The following ACE variants were observed in gnomAD, a reference collection of about 807,000 sequenced individuals.
ACE encodes the protein angiotensin I converting enzyme, also known as angiotensin-converting enzyme.
ACE carries 122 observed loss-of-function variants against 162.3 expected under a neutral mutation model. The ratio of observed to expected loss-of-function variants is 0.75; its 90% CI spans 0.65 to 0.87. The LOEUF is 0.87. Among genes scored for constraint, ACE ranks in the 40% least tolerant of loss-of-function variants. The pLI, the probability that ACE is intolerant of heterozygous loss-of-function variation, is 0.00. For missense variants in ACE, 1,799 were observed against 1,735.1 expected, an observed-to-expected ratio of 1.04 and a Z score of -0.65; for synonymous variants, 796 against 720.6, an observed-to-expected ratio of 1.10 and a Z score of -1.68.
In ACE at chr17:63,496,901, C is replaced by T; in HGVS notation, c.3607C>T (p.Pro1203Ser). The T allele has an allele frequency of 6.2e-7, 1 of 1,613,768 alleles. No individual in the cohort carries two copies. Among genetic ancestry groups the T allele is most frequent in the Non-Finnish European group, 8.5e-7 (1 of 1,180,000 alleles). Residue 1203 changes from proline to serine, a missense_variant, in exon 24 of 25, where the codon CCG (proline) becomes TCG (serine). Transcript: ENST00000290866. The stretch of plus-strand genomic sequence containing the variant: ...CTCGGCCATGTTGAGCTACTTCAAG[C>T]CGCTGCTGGACTGGCTCCGCACGGA... Reference protein sequence around the residue: ...SASAMLSYFKPLLDWLRTENE... With the variant: ...SASAMLSYFKSLLDWLRTENE...
chr17:63,496,035 A>G (rs2030707992), intron 22 of ACE: 1 of 355,016 alleles, frequency 2.8e-6, no homozygotes, highest in Middle Eastern at 9.6e-4. Flanking sequence ...CCATTTGGCC[A>G]CACCTTGCCT....
rs2029996374 is a variant in ACE at position 63,487,023 on chromosome 17, G to T, written c.2255G>T (p.Ser752Ile). Residue 752 changes from serine to isoleucine, a missense_variant, in exon 15 of 25, where the codon AGC becomes ATC. By Grantham distance (142) the Ser-to-Ile change is moderately radical. Transcript: ENST00000290866. ...KILLDMETTY[S>I]VATVCHPNGS... Reference sequence around the variant, plus strand: ...CTGTTGGATATGGAAACCACCTACAGCGTGGCCACTGTGTGCCACCCGAAT... The same window carrying T: ...CTGTTGGATATGGAAACCACCTACATCGTGGCCACTGTGTGCCACCCGAAT... 6.2e-7 allele frequency: 1 copy of T among 1,613,906 alleles called. No individual in the cohort carries two copies. The highest frequency in any genetic ancestry group is 2.2e-5 in the East Asian group (1 of 44,870).
In ACE at chr17:63,479,911, C is replaced by T. The variant is rs151017978; in HGVS notation, c.654C>T (p.Asp218=). Residue 218 remains aspartate, a splice_region_variant and synonymous_variant, in exon 4 of 25, where the codon GAC becomes GAT. Transcript: ENST00000290866. ...TALSNEAYKQ[D]GFTDTGAYWR... is the part of the protein sequence containing the mutation. ...TCAGCAATGAAGCCTACAAGCAGGA[C>T]GGTGAGCAGGCCTCTCCCTGTCCAG... The T allele has an allele frequency of 2.6e-5, 42 of 1,608,370 alleles. No homozygotes were observed. Among genetic ancestry groups the T allele is most frequent in the Admixed American group, 8.4e-5 (5 of 59,780 alleles).
chr17:63,489,215 A>C, intron 17 of ACE, 83 bp downstream of exon 17: 1 of 1,513,290 alleles, frequency 6.6e-7, no homozygotes, highest in Non-Finnish European at 8.9e-7. Context: ...ACTAGAGGGT[A>C]GGGAGCAGGC....
At chr17:63,493,350 G>C in intron 19 of ACE, 86 bp from the exon 20 acceptor site, 1 of 1,316,394 alleles carries the variant, frequency 7.6e-7, no homozygotes, top group Non-Finnish European at 1.1e-6. Context: ...GTCTGCCCTG[G>C]GTATAGCAAG....
rs948392443 is a variant in ACE at position 63,483,149 on chromosome 17, A to C, written c.1463A>C (p.Tyr488Ser). Residue 488 changes from tyrosine to serine, a missense_variant, in exon 9 of 25, where the codon TAC (tyrosine) becomes TCC (serine). Transcript: ENST00000290866. ...VFSGRTPPSR[Y>S]NFDWWYLRTK... Reference sequence around the variant, plus strand: ...AGTGGGCGTACCCCCCCTTCCCGCTACAACTTCGACTGGTGGTATCTTCGG... The same window carrying C: ...AGTGGGCGTACCCCCCCTTCCCGCTCCAACTTCGACTGGTGGTATCTTCGG... 1.9e-6 allele frequency: 3 copies of C among 1,613,854 alleles called. No individual in the cohort carries two copies. The highest frequency in any genetic ancestry group is 2.7e-5 in the African/African-American group (2 of 74,892).
At chr17:63,478,137 C>T in intron 2 of ACE, 39 bp downstream of exon 2, 1 of 1,552,870 alleles carries the variant, frequency 6.4e-7, no homozygotes, top group Non-Finnish European at 8.7e-7. Context: ...GGGCGGCCTC[C>T]TAGTGCCCCA....
chr17:63,489,673 G>A (rs2147557269), intron 17 of ACE, among the ~76,000 whole-genome samples: 1 of 152,328 alleles, frequency 6.6e-6, no homozygotes, highest in East Asian at 1.9e-4. Context: ...AGTAGGCGGT[G>A]AGGACAGTAA....
intron 5 of ACE, 42 bp downstream of exon 5, chr17:63,480,570 G>C: frequency 1.2e-6 from 2 of 1,609,384 alleles, no homozygotes; most frequent in Non-Finnish European, 1.7e-6. Context: ...CCACGGAAGT[G>C]TGGGTCCCGA....
chr17:63,496,736 C>T, intron 23 of ACE, 62 bp from the exon 24 acceptor site: 16 of 1,602,596 alleles, frequency 1.0e-5, no homozygotes, highest in Non-Finnish European at 1.3e-5. Flanking sequence ...GAGTGGATGT[C>T]AGGTGGGGGC....
chr17:63,482,905 G>A (rs2049735130), intron 8 of ACE, 124 bp from the exon 9 acceptor site: 1 of 1,200,486 alleles, frequency 8.3e-7, no homozygotes, highest in Non-Finnish European at 1.2e-6. Context: ...GGGTCTCGAG[G>A]GCCAGCCATA....
In ACE at chr17:63,477,104, G is replaced by A; in HGVS notation, c.10G>A (p.Ala4Thr). 1.5e-6 allele frequency: 2 copies of A among 1,314,044 alleles called. No homozygotes were observed. The highest frequency in any genetic ancestry group is 1.9e-6 in the Non-Finnish European group (2 of 1,039,050). The allele number at this position is 1,314,044 out of a possible 1,614,324, so 81.4% of individuals were successfully genotyped here. MGA[A>T]SGRRGPGLLL... ...CACCGCGCACCGCGTCATGGGGGCC[G>A]CCTCGGGCCGCCGGGGGCCGGGGCT... The change falls in exon 1 of 25, where the codon GCC becomes ACC. Residue 4 changes from alanine to threonine, a missense_variant. Transcript: ENST00000290866.
chr17:63,481,799 GGCAGCCCAGGC>G (rs2049714975), intron 7 of ACE, 61 bp downstream of exon 7: 1 of 1,609,276 alleles, frequency 6.2e-7, no homozygotes, highest in East Asian at 2.2e-5. Context: ...GGGAAAGGCA[GGCAGCCCAGGC>G]GCAGGGAAGC....
Position 63,477,321 on chromosome 17 carries a change from C to G in ACE, c.227C>G (p.Thr76Ser). The part of the protein sequence containing the change: ...AASWAHDTNI[T>S]AENARRQEEA... ...AGCTGGGCGCACGACACCAACATCACCGCGGAGAATGCAAGGCGCCAGGTG... is the reference window on the plus strand; with the variant it reads ...AGCTGGGCGCACGACACCAACATCAGCGCGGAGAATGCAAGGCGCCAGGTG... The change falls in exon 1 of 25, where the codon ACC (threonine) becomes AGC (serine). Residue 76 changes from threonine to serine, a missense_variant. Physicochemically the swap from Thr to Ser is moderately conservative, Grantham distance 58. Coordinates refer to ENST00000290866, the MANE Select transcript of ACE (RefSeq NM_000789.4). The G allele has an allele frequency of 7.2e-7, 1 of 1,384,136 alleles. No individual in the cohort carries two copies. The highest frequency in any genetic ancestry group is 9.5e-7 in the Non-Finnish European group (1 of 1,057,696). 85.7% of individuals were successfully genotyped at this position (1,384,136 alleles called of 1,614,324 possible).
intron 17 of ACE, among the ~76,000 whole-genome samples, chr17:63,489,584 A>G (rs4345): frequency 0.011 from 1,673 of 152,268 alleles, 27 homozygotes; most frequent in African/African-American, 0.037. Context: ...AACAAAGAAG[A>G]ACCTGAGAAT....
chr17:63,488,835 T>C (rs748059016), intron 16 of ACE, 44 bp downstream of exon 16: 2 of 1,614,030 alleles, frequency 1.2e-6, no homozygotes. Flanking sequence ...GGTCCCTTCA[T>C]TTTCCTCAAA....
At chr17:63,485,735 A>T in intron 13 of ACE, 1 of 331,644 alleles carries the variant, frequency 3.0e-6, no homozygotes, top group East Asian at 7.9e-5. Context: ...AGATGGCACC[A>T]CTGCACTCCA....
At chr17:63,486,753 G>A in intron 14 of ACE, 38 bp downstream of exon 14, 1 of 1,613,618 alleles carries the variant, frequency 6.2e-7, no homozygotes, top group Non-Finnish European at 8.5e-7. Flanking sequence ...GGGGAATCCT[G>A]GGGCAGTGAG....
intron 14 of ACE, 24 bp downstream of exon 14, chr17:63,486,739 G>A: frequency 6.2e-7 from 1 of 1,614,062 alleles, no homozygotes; most frequent in Non-Finnish European, 8.5e-7. Context: ...AAGGTACAGG[G>A]AGAGGGGAAT....
Sources: allele counts gnomAD v4.1 joint callset (sites outside exome capture counted in the v4.1 genomes callset), GRCh38; gene constraint gnomAD v4.1.1; transcripts MANE v1.5; gene names NCBI Gene and HGNC (gene_info 2026-07-23, HGNC 2026-07-21).